The following PITPNC1 variants were observed in gnomAD, a reference collection of about 807,000 sequenced individuals.
PITPNC1 encodes the protein phosphatidylinositol transfer protein cytoplasmic 1, also known as cytoplasmic phosphatidylinositol transfer protein 1.
A neutral mutation model predicts 44.7 loss-of-function variants in PITPNC1; 18 were observed. The observed-to-expected ratio is 0.40, with a 90% CI of 0.28 to 0.60. PITPNC1 has a LOEUF of 0.60. PITPNC1 is among the 20% of genes least tolerant of loss of function. The pLI, the probability that PITPNC1 is intolerant of heterozygous loss-of-function variation, is 0.39. For synonymous variants in PITPNC1, 141 were observed against 149.6 expected, an observed-to-expected ratio of 0.94 and a Z score of 0.42; for missense variants, 290 against 418.4, an observed-to-expected ratio of 0.69 and a Z score of 2.68.
chr17:67,491,735 G>A (rs1215586899), intron 1 of PITPNC1, among the ~76,000 whole-genome samples: 1 of 152,170 alleles, frequency 6.6e-6, no homozygotes, highest in East Asian at 1.9e-4. Context: ...GGGAGGTTGA[G>A]GTGGGAAGAT....
chr17:67,521,159 C>T (rs2040320896), intron 1 of PITPNC1, among the ~76,000 whole-genome samples: 1 of 152,178 alleles, frequency 6.6e-6, no homozygotes, highest in Admixed American at 6.6e-5. Context: ...CTGGTACCAG[C>T]AGGAAGCATA....
At chr17:67,397,627 T>C (rs2038239240) in intron 1 of PITPNC1, among the ~76,000 whole-genome samples, 1 of 152,166 alleles carries the variant, frequency 6.6e-6, no homozygotes, top group African/African-American at 2.4e-5. Flanking sequence ...CTCTAAATCA[T>C]GGGCTGGGGT....
chr17:67,405,697 C>A (rs1328056806), intron 1 of PITPNC1, among the ~76,000 whole-genome samples: 2 of 151,722 alleles, frequency 1.3e-5, no homozygotes, highest in Non-Finnish European at 2.9e-5. Flanking sequence ...CTTCTGCCTC[C>A]TGGGTTCAAG....
intron 2 of PITPNC1, among the ~76,000 whole-genome samples, chr17:67,550,471 C>T (rs1006015836): frequency 5.3e-5 from 8 of 151,546 alleles, no homozygotes; most frequent in East Asian, 3.9e-4. Flanking sequence ...CAGTATTTTA[C>T]GGGCTCTGAT....
At chr17:67,684,849 T>A (rs933333381) in intron 8 of PITPNC1, among the ~76,000 whole-genome samples, 1 of 152,368 alleles carries the variant, frequency 6.6e-6, no homozygotes, top group East Asian at 1.9e-4. Context: ...AATGGATACA[T>A]CTTTGAAAGC....
At chr17:67,689,034 C>T (rs2042873562) in intron 8 of PITPNC1, among the ~76,000 whole-genome samples, 1 of 152,138 alleles carries the variant, frequency 6.6e-6, no homozygotes, top group Admixed American at 6.5e-5. Flanking sequence ...GAAACCCCGT[C>T]TCTACTAAAA....
rs543010281 is a variant in PITPNC1, at chr17:67,602,164, G to A, written c.366+23907G>A. On this transcript the variant is annotated intron_variant, in intron 5 of 8. Transcript: ENST00000581322. ...CCTGCGTGTAGGAGCACAGGAAATGGTTGAATTGATTCAGGATTTGTCTTC... is the reference window on the plus strand; with the variant it reads ...CCTGCGTGTAGGAGCACAGGAAATGATTGAATTGATTCAGGATTTGTCTTC... 6.6e-5 allele frequency among the ~76,000 whole-genome samples: 10 copies of A among 152,292 alleles called. No individual in the cohort carries two copies. The South Asian group carries it at 1.7e-3, about 25-fold the overall frequency.
intron 4 of PITPNC1, among the ~76,000 whole-genome samples, chr17:67,568,608 C>T (rs60731323): frequency 0.03 from 4,543 of 152,030 alleles, 203 homozygotes; most frequent in African/African-American, 0.099. Flanking sequence ...CTCACTGCAG[C>T]CTCAAACTCC....
chr17:67,575,428 C>T (rs1485035866), intron 4 of PITPNC1, among the ~76,000 whole-genome samples: 1 of 152,200 alleles, frequency 6.6e-6, no homozygotes, highest in African/African-American at 2.4e-5. Context: ...AAGGCAATTA[C>T]TGGGATTGAT....
At chr17:67,614,265 T>A (rs887391723) in intron 5 of PITPNC1, among the ~76,000 whole-genome samples, 1 of 152,072 alleles carries the variant, frequency 6.6e-6, no homozygotes, top group African/African-American at 2.4e-5. Flanking sequence ...AGGGACGAAC[T>A]GACACTTTAT....
chr17:67,565,958 T>A (rs2040975197), intron 4 of PITPNC1, among the ~76,000 whole-genome samples: 1 of 152,214 alleles, frequency 6.6e-6, no homozygotes, highest in Non-Finnish European at 1.5e-5. Flanking sequence ...TTTCCATGTA[T>A]TTCAGTGTGG....
At chr17:67,596,126 CAA>C (rs773854709) in intron 5 of PITPNC1, among the ~76,000 whole-genome samples, 5 of 151,978 alleles carry the variant, frequency 3.3e-5, no homozygotes, top group Admixed American at 2.0e-4. Context: ...GTTGGGATGT[CAA>C]AACTAGAGTA....
chr17:67,436,284 C>T (rs2038935936), intron 1 of PITPNC1, among the ~76,000 whole-genome samples: 1 of 152,100 alleles, frequency 6.6e-6, no homozygotes. Flanking sequence ...GATTACAGGC[C>T]TGAGCCACCG....
rs529164614 is a variant in PITPNC1, at chr17:67,412,169, G to A, written c.48+33967G>A. Among the ~76,000 whole-genome samples, 48 of 152,238 alleles carry A rather than the reference G, an allele frequency of 3.2e-4. 1 individual carries two copies. In the South Asian group the frequency reaches 7.3e-3, roughly 23 times the overall value. On this transcript the variant is annotated intron_variant, in intron 1 of 8. Coordinates refer to ENST00000581322, the MANE Select transcript of PITPNC1 (RefSeq NM_012417.4). The stretch of plus-strand genomic sequence containing the variant: ...GTGCCTCACCCCTTGCCTGGCCCTC[G>A]GTAGGGACTTAGTAAATAGCCATTA...
chr17:67,575,145 G>T (rs1295501232), intron 4 of PITPNC1, among the ~76,000 whole-genome samples: 5 of 151,526 alleles, frequency 3.3e-5, no homozygotes, highest in Non-Finnish European at 7.4e-5. Flanking sequence ...CCCACTCCTT[G>T]GTTTGACTCT....
chr17:67,557,367 G>A (rs2570049), intron 4 of PITPNC1, among the ~76,000 whole-genome samples: 10,738 of 152,118 alleles, frequency 0.071, 711 homozygotes, highest in African/African-American at 0.18. Context: ...GACACAGTTC[G>A]GCCCATAGTA....
At chr17:67,384,895 T>C (rs936526524) in intron 1 of PITPNC1, among the ~76,000 whole-genome samples, 14 of 152,240 alleles carry the variant, frequency 9.2e-5, no homozygotes, top group Admixed American at 5.9e-4. Flanking sequence ...TTCTTGTAAA[T>C]GTAATTTGGA....
intron 5 of PITPNC1, among the ~76,000 whole-genome samples, chr17:67,621,769 A>G (rs1260601723): frequency 6.6e-6 from 1 of 152,150 alleles, no homozygotes; most frequent in Non-Finnish European, 1.5e-5. Flanking sequence ...AAGAACAAAT[A>G]ACAGTTACCC....
intron 1 of PITPNC1, among the ~76,000 whole-genome samples, chr17:67,524,011 C>G (rs1410244081): frequency 6.6e-6 from 1 of 151,900 alleles, no homozygotes; most frequent in East Asian, 1.9e-4. Context: ...GGGGTTTCAC[C>G]ATCTTGGCCA....
Sources: gnomAD v4.1 joint callset for allele counts (sites outside exome capture counted in the v4.1 genomes callset) on GRCh38, gnomAD v4.1.1 for gene constraint, MANE v1.5 for transcripts, NCBI Gene and HGNC (gene_info 2026-07-23, HGNC 2026-07-21) for gene names.